The following ATP1A3 variants were observed in gnomAD, a reference collection of about 807,000 sequenced individuals.
ATP1A3 encodes the protein sodium/potassium-transporting ATPase subunit alpha-3.
A neutral mutation model predicts 108.8 loss-of-function variants in ATP1A3; 12 were observed. The observed-to-expected ratio is 0.11, with a 90% CI of 0.07 to 0.18. ATP1A3 has a LOEUF of 0.18. Among genes scored for constraint, ATP1A3 ranks in the 10% least tolerant of loss-of-function variants. The pLI, the probability that ATP1A3 is intolerant of heterozygous loss-of-function variation, is 1.00. For missense variants in ATP1A3, 498 were observed against 1,387.7 expected, an observed-to-expected ratio of 0.36 and a Z score of 10.19; for synonymous variants, 539 against 564.5, an observed-to-expected ratio of 0.95 and a Z score of 0.64.
At chr19:41,969,109 A>G (rs1555859227) in intron 19 of ATP1A3, among the ~76,000 whole-genome samples, 194 bp from the exon 20 acceptor site, 1 of 152,170 alleles carries the variant, frequency 6.6e-6, no homozygotes, top group African/African-American at 2.4e-5. Flanking sequence ...AGAAAGGTTA[A>G]TGGTGATCTC....
chr19:41,976,146 C>G (rs2075166470), intron 15 of ATP1A3, among the ~76,000 whole-genome samples: 1 of 149,974 alleles, frequency 6.7e-6, no homozygotes, highest in Non-Finnish European at 1.5e-5. Flanking sequence ...GCCCCCACCC[C>G]CTCCTCCCTC....
At chr19:41,976,958 C>T (rs564316128) in intron 14 of ATP1A3, among the ~76,000 whole-genome samples, 2 of 151,904 alleles carry the variant, frequency 1.3e-5, no homozygotes, top group East Asian at 2.0e-4. Flanking sequence ...GTGCCCACCA[C>T]CACGCCTGGC....
At chr19:41,986,483 C>T (rs2075288090) in intron 4 of ATP1A3, 1 of 389,420 alleles carries the variant, frequency 2.6e-6, no homozygotes, top group Non-Finnish European at 4.9e-6. Flanking sequence ...CACTCTGTCG[C>T]CCAGGCTGGA....
At position 41,975,699 on chromosome 19, in the gene ATP1A3, G is replaced by C; in HGVS notation, c.2193C>G (p.Val731=). The C allele has an allele frequency of 6.2e-7, 1 of 1,614,150 alleles. No individual in the cohort carries two copies. Among genetic ancestry groups the C allele is most frequent in the Non-Finnish European group, 8.5e-7 (1 of 1,180,000 alleles). ...GGATCATGTCAGCTGCCTGCTTGGAGACGTCAGAGCCAGCGATGCCCATGG... is the reference window on the plus strand; with the variant it reads ...GGATCATGTCAGCTGCCTGCTTGGACACGTCAGAGCCAGCGATGCCCATGG... The part of the protein sequence containing the change: ...GVAMGIAGSD[V]SKQAADMILL... Residue 731 remains valine (V), a synonymous_variant, in exon 16 of 23, where the codon GTC becomes GTG. Coordinates refer to ENST00000648268, the MANE Select transcript of ATP1A3 (RefSeq NM_152296.5).
chr19:41,994,224 A>G lies in ATP1A3; in HGVS notation c.-148T>C, dbSNP rs769525784. ...CGTCCGTCCGTTGGTCCCACCGCAC[A>G]GAGGCTGCGGCGGCCGCCGCCTCCG... On this transcript the variant is annotated 5_prime_UTR_variant, in exon 1 of 23. Transcript: ENST00000648268. The G allele has an allele frequency of 1.4e-6, 1 of 729,704 alleles. No individual in the cohort carries two copies. Among genetic ancestry groups the G allele is most frequent in the Non-Finnish European group, 2.0e-6 (1 of 494,824 alleles). The allele number at this position is 729,704 out of a possible 1,614,324, so 45.2% of individuals were successfully genotyped here.
rs1555863376 is a variant in ATP1A3 at position 41,981,606 on chromosome 19, C to A, written c.1333G>T (p.Ala445Ser). 1 of 1,614,058 alleles carries A rather than the reference C, an allele frequency of 6.2e-7. No homozygotes were observed. Among genetic ancestry groups the A allele is most frequent in the African/African-American group, 1.3e-5 (1 of 74,902 alleles). Residue 445 changes from alanine to serine, a missense_variant, in exon 11 of 23, where the codon GCC becomes TCC. Transcript: ENST00000648268. This position sits in a 1 kb window ranked among gnomAD's most constrained non-coding sequence, Gnocchi z 5.0. ...GACAGCTCGATGCACTTGAGCAGGG[C>A]AGACTCAGACGCATCCCCAGCCACA... Reference protein sequence around the residue: ...RDVAGDASESALLKCIELSSG... With the variant: ...RDVAGDASESSLLKCIELSSG...
chr19:41,969,722 G>A, intron 18 of ATP1A3, 142 bp from the exon 19 acceptor site: 5 of 1,259,068 alleles, frequency 4.0e-6, no homozygotes, highest in South Asian at 3.7e-5. Context: ...GGTTCCCAGA[G>A]GGTGACCTGA....
Position 41,970,501 on chromosome 19 carries a change from T to A in ATP1A3, c.2305A>T (p.Thr769Ser). 6.2e-7 allele frequency: 1 copy of A among 1,613,886 alleles called. No individual in the cohort carries two copies. Among genetic ancestry groups the A allele is most frequent in the African/African-American group, 1.3e-5 (1 of 74,904 alleles). ...FDNLKKSIAY[T>S]LTSNIPEITP... ...ATCTCCGGGATATTGCTGGTCAGGG[T>A]GTAGGCAATGGACTTCTTTAGGTTG... Residue 769 changes from threonine to serine, a missense_variant, in exon 17 of 23, where the codon ACC (threonine) becomes TCC (serine). Coordinates refer to ENST00000648268, the MANE Select transcript of ATP1A3 (RefSeq NM_152296.5).
At position 41,967,467 on chromosome 19, in the gene ATP1A3, TG is replaced by T; in HGVS notation, c.2922-128del. 8.2e-7 allele frequency: 1 copy of T among 1,226,924 alleles called. No homozygotes were observed. The highest frequency in any genetic ancestry group is 1.1e-6 in the Non-Finnish European group (1 of 881,270). The allele number at this position is 1,226,924 out of a possible 1,614,324, so 76.0% of individuals were successfully genotyped here. A position where few individuals can be genotyped will look rare whatever the true frequency, so the allele number is the denominator to read the frequency against. On this transcript the variant is annotated intron_variant, in intron 21 of 22. Transcript: ENST00000648268. The surrounding 1 kb of genome is among the most constrained non-coding windows in gnomAD (Gnocchi z 4.2). ...TCGTGCTCACAGGTGGAGGGTGCCCTGGGCGGGGCTGGGGCCTGGGGTCTTC... is the reference window on the plus strand; with the variant it reads ...TCGTGCTCACAGGTGGAGGGTGCCCTGGCGGGGCTGGGGCCTGGGGTCTTC...
intron 4 of ATP1A3, among the ~76,000 whole-genome samples, chr19:41,987,598 G>A (rs782042349): frequency 1.2e-4 from 18 of 152,112 alleles, no homozygotes; most frequent in Admixed American, 1.3e-4. Flanking sequence ...TATCAGCAGC[G>A]GGGTGTGCCT....
rs113701485 is a variant in ATP1A3, at chr19:41,989,058, G to A, written c.7-496C>T. On this transcript the variant is annotated intron_variant, in intron 1 of 22. Transcript: ENST00000648268. ...AGGCTCAGGTGATCCTCCCGCCTCC[G>A]CCTCCTGTGTAGCTGGGACTACAGG... is the stretch of plus-strand genomic sequence containing the variant. Among the ~76,000 whole-genome samples the A allele has an allele frequency of 5.0e-3, 755 of 152,086 alleles. 5 individuals are homozygous for A. Among genetic ancestry groups the A allele is most frequent in the Non-Finnish European group, 7.0e-3 (473 of 67,978 alleles).
At chr19:41,980,281 C>T (rs549983519) in intron 11 of ATP1A3, among the ~76,000 whole-genome samples, 1 of 152,308 alleles carries the variant, frequency 6.6e-6, no homozygotes, top group East Asian at 1.9e-4. Flanking sequence ...CACCCAGCAC[C>T]CAAAACAGGG....
intron 4 of ATP1A3, chr19:41,986,711 A>AGCCATCT (rs1452537053): frequency 5.9e-6 from 1 of 168,814 alleles, no homozygotes; most frequent in African/African-American, 2.5e-5. Context: ...AAGTGCTGGG[A>AGCCATCT]TTACAGGTGT....
At chr19:41,993,915 C>A in intron 1 of ATP1A3, 156 bp downstream of exon 1, 1 of 1,403,554 alleles carries the variant, frequency 7.1e-7, no homozygotes, top group Non-Finnish European at 9.7e-7. Flanking sequence ...TGCGGCCCCA[C>A]GACCACATGG....
In ATP1A3 at chr19:41,994,067, C is replaced by T. The variant is rs2075365113; in HGVS notation, c.6+4G>A. ...AAGCGGCGCCCAGCCGGCTCAGCAC[C>T]TACCCCCATCTTGGCGGCTCCGCGG... is the stretch of plus-strand genomic sequence containing the variant. On this transcript the variant is annotated splice_donor_region_variant and intron_variant, in intron 1 of 22. Transcript: ENST00000648268. The T allele has an allele frequency of 6.2e-7, 1 of 1,604,314 alleles. No individual in the cohort carries two copies. Among genetic ancestry groups the T allele is most frequent in the Non-Finnish European group, 8.5e-7 (1 of 1,176,704 alleles).
chr19:41,975,424 T>C (rs1398727487), intron 16 of ATP1A3, among the ~76,000 whole-genome samples: 1 of 152,154 alleles, frequency 6.6e-6, no homozygotes, highest in Non-Finnish European at 1.5e-5. Context: ...GCAGGGACCC[T>C]GAAGTGTGTC....
In ATP1A3 at chr19:41,985,022, A is replaced by G; in HGVS notation, c.889T>C (p.Phe297Leu). The change falls in exon 8 of 23, where the codon TTC becomes CTC. Residue 297 changes from phenylalanine to leucine, a missense_variant. Phe to Leu is a conservative substitution (Grantham distance 22, BLOSUM62 0). Coordinates refer to ENST00000648268, the MANE Select transcript of ATP1A3 (RefSeq NM_152296.5). This position sits in a 1 kb window ranked among gnomAD's most constrained non-coding sequence, Gnocchi z 8.2. ...TATCCGAGAATGAGGGAGAGGATGA[A>G]GAAGGAGACACCCAGGAAGACAGCC... Reference protein sequence around the residue: ...GVAVFLGVSFFILSLILGYTW... With the variant: ...GVAVFLGVSFLILSLILGYTW... 6.2e-7 allele frequency: 1 copy of G among 1,614,120 alleles called. No homozygotes were observed. The highest frequency in any genetic ancestry group is 8.5e-7 in the Non-Finnish European group (1 of 1,179,984).
chr19:41,966,782 TG>T lies in ATP1A3; in HGVS notation c.*154del. The T allele has an allele frequency of 2.7e-6, 3 of 1,099,004 alleles. No individual in the cohort carries two copies. Among genetic ancestry groups the T allele is most frequent in the South Asian group, 1.9e-5 (1 of 52,330 alleles). The allele number at this position is 1,099,004 out of a possible 1,614,324, so 68.1% of individuals were successfully genotyped here. A position where few individuals can be genotyped will look rare whatever the true frequency, so the allele number is the denominator to read the frequency against. On this transcript the variant is annotated 3_prime_UTR_variant, in exon 23 of 23. Coordinates refer to ENST00000648268, the MANE Select transcript of ATP1A3 (RefSeq NM_152296.5). ...GGCAGGGGAGAGAAGCCAGCCAGAG[TG>T]GGGGCGGCAGGAGATAGTGGAGGGG...
chr19:41,987,439 C>T (rs891001811), intron 4 of ATP1A3, among the ~76,000 whole-genome samples: 2 of 152,078 alleles, frequency 1.3e-5, no homozygotes, highest in Admixed American at 6.5e-5. Flanking sequence ...GTGGCATCTG[C>T]GTTGACCCTC....
Sources: gnomAD v4.1 joint callset for allele counts (sites outside exome capture counted in the v4.1 genomes callset) on GRCh38, gnomAD v4.1.1 for gene constraint, Gnocchi (gnomAD v3.1) non-coding constraint, MANE v1.5 for transcripts, NCBI Gene and HGNC (gene_info 2026-07-23, HGNC 2026-07-21) for gene names.